ARHGAP26: variants seen among roughly 807,000 people sequenced by gnomAD.
The protein encoded by ARHGAP26 is rho GTPase-activating protein 26.
In ARHGAP26, 38 loss-of-function variants were observed where a neutral mutation model predicts 104.8. The ratio of observed to expected loss-of-function variants is 0.36; its 90% CI spans 0.28 to 0.48. ARHGAP26 has a LOEUF of 0.48. Among genes scored for constraint, ARHGAP26 ranks in the 20% least tolerant of loss-of-function variants. ARHGAP26 has a pLI of 0.99. For synonymous variants in ARHGAP26, 341 were observed against 340.0 expected, an observed-to-expected ratio of 1.00 and a Z score of -0.03; for missense variants, 704 against 947.9, an observed-to-expected ratio of 0.74 and a Z score of 3.38.
At chr5:142,862,766 C>G (rs1388599015) in intron 1 of ARHGAP26, among the ~76,000 whole-genome samples, 1 of 152,154 alleles carries the variant, frequency 6.6e-6, no homozygotes, top group African/African-American at 2.4e-5. Flanking sequence ...ACTTATAAAC[C>G]TCTTCCAAGA....
intron 17 of ARHGAP26, among the ~76,000 whole-genome samples, chr5:143,111,253 A>C (rs1562445957): frequency 6.6e-6 from 1 of 152,104 alleles, no homozygotes; most frequent in Non-Finnish European, 1.5e-5. Context: ...CCATGTAGAA[A>C]AGAAGAGAAG....
chr5:143,073,462 G>T (rs961806888), intron 17 of ARHGAP26, among the ~76,000 whole-genome samples: 38 of 152,232 alleles, frequency 2.5e-4, no homozygotes, highest in African/African-American at 8.7e-4. Flanking sequence ...CATTCATTTT[G>T]CCATGTATTA....
chr5:142,822,714 G>C (rs1224674630), intron 1 of ARHGAP26, among the ~76,000 whole-genome samples: 1 of 152,112 alleles, frequency 6.6e-6, no homozygotes, highest in African/African-American at 2.4e-5. Context: ...CTAAATTACA[G>C]TAAAGCATTC....
At chr5:142,867,288 G>GGGGTGTGT (rs1274982027) in intron 1 of ARHGAP26, among the ~76,000 whole-genome samples, 2 of 143,596 alleles carry the variant, frequency 1.4e-5, no homozygotes, top group East Asian at 2.0e-4. Context: ...ATTTGCACAG[G>GGGGTGTGT]GTGTGTGTGT....
At chr5:143,063,678 T>C (rs919904438) in intron 17 of ARHGAP26, among the ~76,000 whole-genome samples, 13 of 152,194 alleles carry the variant, frequency 8.5e-5, no homozygotes, top group African/African-American at 3.1e-4. Context: ...CTCCATCCTT[T>C]TACCTTTTGC....
intron 17 of ARHGAP26, among the ~76,000 whole-genome samples, chr5:143,088,540 T>C (rs570792211): frequency 6.6e-6 from 1 of 152,178 alleles, no homozygotes; most frequent in South Asian, 2.1e-4. Flanking sequence ...AAATTTCATG[T>C]GAAGCAGAAA....
chr5:143,217,197 C>T (rs1335010009), intron 22 of ARHGAP26, among the ~76,000 whole-genome samples: 2 of 152,038 alleles, frequency 1.3e-5, no homozygotes, highest in Admixed American at 6.6e-5. Flanking sequence ...GGGAGGGGCC[C>T]GTGGAGGGGA....
intron 12 of ARHGAP26, 24 bp downstream of exon 12, chr5:143,014,140 T>C (rs1779268191): frequency 6.2e-7 from 1 of 1,613,670 alleles, no homozygotes. Flanking sequence ...TTGGGTAACC[T>C]TCTACAGCCA....
intron 11 of ARHGAP26, among the ~76,000 whole-genome samples, chr5:142,973,831 C>T (rs1041433589): frequency 6.6e-6 from 1 of 152,092 alleles, no homozygotes; most frequent in Non-Finnish European, 1.5e-5. Context: ...AAAAGACTCT[C>T]CGTTGGTTTA....
intron 1 of ARHGAP26, among the ~76,000 whole-genome samples, chr5:142,808,474 A>G (rs1279150421): frequency 2.7e-5 from 4 of 149,548 alleles, no homozygotes; most frequent in African/African-American, 4.9e-5. Context: ...AACATTTGCC[A>G]TAGTTTATGC....
chr5:142,844,051 G>GTTT (rs34122289), intron 1 of ARHGAP26, among the ~76,000 whole-genome samples: 2,685 of 132,088 alleles, frequency 0.02, 89 homozygotes, highest in African/African-American at 0.055. Context: ...CTAAAAGTGA[G>GTTT]TTTTTTTTTT....
At chr5:143,191,704 C>A (rs975506208) in intron 20 of ARHGAP26, among the ~76,000 whole-genome samples, 1 of 152,204 alleles carries the variant, frequency 6.6e-6, no homozygotes, top group Non-Finnish European at 1.5e-5. Context: ...TGGGCGCCAC[C>A]ACCCAGTAGC....
intron 12 of ARHGAP26, among the ~76,000 whole-genome samples, chr5:143,020,632 C>CTT (rs11357774): frequency 2.7e-3 from 168 of 61,726 alleles, no homozygotes; most frequent in East Asian, 0.019. Flanking sequence ...TGCTCTAGTG[C>CTT]TTTTTTTTTT....
intron 1 of ARHGAP26, among the ~76,000 whole-genome samples, chr5:142,787,450 G>A (rs1392984334): frequency 6.6e-6 from 1 of 152,196 alleles, no homozygotes; most frequent in East Asian, 1.9e-4. Flanking sequence ...TGAGATCTGA[G>A]TCTTTGCAGG....
intron 17 of ARHGAP26, among the ~76,000 whole-genome samples, chr5:143,083,307 A>C (rs1403620961): frequency 6.6e-6 from 1 of 152,188 alleles, no homozygotes; most frequent in African/African-American, 2.4e-5. Flanking sequence ...CCTAATGATC[A>C]GTTTTACTCC....
At chr5:142,986,771 C>A (rs1415213103) in intron 11 of ARHGAP26, among the ~76,000 whole-genome samples, 1 of 152,154 alleles carries the variant, frequency 6.6e-6, no homozygotes, top group Non-Finnish European at 1.5e-5. Flanking sequence ...AATCCTTTCC[C>A]CATTGCTTGT....
At chr5:143,067,471 A>G (rs1328082554) in intron 17 of ARHGAP26, among the ~76,000 whole-genome samples, 1 of 152,008 alleles carries the variant, frequency 6.6e-6, no homozygotes, top group Non-Finnish European at 1.5e-5. Flanking sequence ...ATATTTTTTC[A>G]CTTTTGCAGT....
chr5:143,194,884 A>G (rs1175070875), intron 20 of ARHGAP26, among the ~76,000 whole-genome samples: 3 of 146,606 alleles, frequency 2.0e-5, no homozygotes, highest in Non-Finnish European at 2.9e-5. Flanking sequence ...TGCGCCAGCC[A>G]TTGTGGAGGG....
At chr5:142,937,530 A>G (rs530677031) in intron 11 of ARHGAP26, among the ~76,000 whole-genome samples, 8 of 152,346 alleles carry the variant, frequency 5.3e-5, no homozygotes, top group African/African-American at 1.9e-4. Context: ...TGACACAGCA[A>G]TTGCTCTGGG....
Sources: gnomAD v4.1 joint callset for allele counts (sites outside exome capture counted in the v4.1 genomes callset) on GRCh38, gnomAD v4.1.1 for gene constraint, MANE v1.5 for transcripts, NCBI Gene and HGNC (gene_info 2026-07-23, HGNC 2026-07-21) for gene names.